The following GSE1 variants were observed in gnomAD, a reference collection of about 807,000 sequenced individuals.
The protein encoded by GSE1 is Gse1 coiled-coil protein.
Under a neutral mutation model 112.6 loss-of-function variants are expected in GSE1, and 32 were observed. That is an observed-to-expected ratio of 0.28 (90% CI 0.21 to 0.38). The LOEUF is 0.38. Among genes scored for constraint, GSE1 ranks in the 10% least tolerant of loss-of-function variants. The pLI, the probability that GSE1 is intolerant of heterozygous loss-of-function variation, is 1.00. For synonymous variants in GSE1, 1,115 were observed against 735.6 expected (o/e 1.52, Z -8.35); for missense variants, 2,348 against 1,699.2 (o/e 1.38, Z -6.71).
rs1029607657 is a variant in GSE1 at position 85,331,375 on chromosome 16, A to G, written c.2284-26088A>G. 6.4e-4 allele frequency among the ~76,000 whole-genome samples: 86 copies of G among 134,404 alleles called. 5 individuals are homozygous for G. The highest frequency in any genetic ancestry group is 3.8e-3 in the Middle Eastern group (1 of 262). The allele number at this position is 134,404 out of a possible 152,430, so 88.2% of individuals were successfully genotyped here. Reference sequence around the variant, plus strand: ...TGTGTGTGTGTGTGTGTATATATGTATATATATGTATATATATGTGTATAT... The same window carrying G: ...TGTGTGTGTGTGTGTGTATATATGTGTATATATGTATATATATGTGTATAT... On this transcript the variant is annotated intron_variant, in intron 1 of 2. Coordinates refer to the GSE1 transcript ENST00000637419.
At chr16:85,477,026 G>T (rs1298251575) in intron 2 of GSE1, among the ~76,000 whole-genome samples, 5 of 150,896 alleles carry the variant, frequency 3.3e-5, no homozygotes, top group African/African-American at 1.2e-4. Flanking sequence ...CCAGGTTCGA[G>T]TGATTGAACC....
chr16:85,394,956 C>A (rs995596141), intron 2 of GSE1, among the ~76,000 whole-genome samples: 3 of 152,088 alleles, frequency 2.0e-5, no homozygotes, highest in African/African-American at 4.8e-5. Context: ...CCAGGGAAGG[C>A]CCCCTGGAGG....
At chr16:85,191,302 A>G (rs1244990896) in intron 1 of GSE1, among the ~76,000 whole-genome samples, 1 of 152,236 alleles carries the variant, frequency 6.6e-6, no homozygotes, top group East Asian at 1.9e-4. Context: ...ATGTATATAT[A>G]TAAAATATTG....
intron 2 of GSE1, among the ~76,000 whole-genome samples, chr16:85,639,459 G>A (rs906299051): frequency 4.6e-5 from 7 of 152,064 alleles, no homozygotes; most frequent in African/African-American, 1.4e-4. Context: ...CACCCCCTGC[G>A]CTGGACAGAT....
At chr16:85,281,865 C>G (rs2044867552) in intron 1 of GSE1, among the ~76,000 whole-genome samples, 1 of 152,106 alleles carries the variant, frequency 6.6e-6, no homozygotes, top group Non-Finnish European at 1.5e-5. Context: ...TTCACGTTAT[C>G]TGAGCAGGAC....
At chr16:85,464,307 G>C (rs2050063262) in intron 2 of GSE1, among the ~76,000 whole-genome samples, 1 of 152,086 alleles carries the variant, frequency 6.6e-6, no homozygotes, top group Non-Finnish European at 1.5e-5. Flanking sequence ...TCAGATGTCG[G>C]CTTAGGTGGT....
intron 1 of GSE1, among the ~76,000 whole-genome samples, chr16:85,626,585 G>GCCTCACGGGGTGTAATTA (rs2049086199): frequency 6.6e-6 from 1 of 152,250 alleles, no homozygotes; most frequent in Non-Finnish European, 1.5e-5. Flanking sequence ...GCTGGGCCCA[G>GCCTCACGGGGTGTAATTA]CCTCACGGGG....
chr16:85,357,894 CT>C (rs2046984099), intron 2 of GSE1, among the ~76,000 whole-genome samples: 1 of 152,090 alleles, frequency 6.6e-6, no homozygotes, highest in Admixed American at 6.5e-5. Flanking sequence ...GGCTCCTGGG[CT>C]GCCTTTGTTT....
At chr16:85,235,907 C>T (rs1389202816) in intron 1 of GSE1, among the ~76,000 whole-genome samples, 1 of 151,974 alleles carries the variant, frequency 6.6e-6, no homozygotes, top group Non-Finnish European at 1.5e-5. Context: ...GCTGGCCGGG[C>T]GCTACCTTCC....
At chr16:85,325,843 G>A (rs1322438857) in intron 1 of GSE1, among the ~76,000 whole-genome samples, 1 of 151,422 alleles carries the variant, frequency 6.6e-6, no homozygotes, top group Non-Finnish European at 1.5e-5. Flanking sequence ...TGCAACCTCC[G>A]CCTCCAGGGT....
chr16:85,402,930 T>A (rs942937517), intron 2 of GSE1, among the ~76,000 whole-genome samples: 1 of 150,862 alleles, frequency 6.6e-6, no homozygotes, highest in Non-Finnish European at 1.5e-5. Context: ...AAAAAAAAAA[T>A]TGCCCCAAAA....
At chr16:85,279,625 A>G (rs183413128) in intron 1 of GSE1, among the ~76,000 whole-genome samples, 60 of 151,830 alleles carry the variant, frequency 4.0e-4, no homozygotes, top group African/African-American at 1.4e-3. Context: ...CAATCAATCA[A>G]TCAATCAAAC....
intron 2 of GSE1, among the ~76,000 whole-genome samples, chr16:85,358,278 C>T (rs181171360): frequency 1.8e-3 from 279 of 152,356 alleles, no homozygotes; most frequent in African/African-American, 6.4e-3. Flanking sequence ...GCTGCTGGGC[C>T]TTGGGGCCTG....
At chr16:85,345,843 G>T (rs1359714173) in intron 1 of GSE1, among the ~76,000 whole-genome samples, 1 of 152,244 alleles carries the variant, frequency 6.6e-6, no homozygotes, top group African/African-American at 2.4e-5. Context: ...TTTACTGGAT[G>T]AATGGATTGA....
chr16:85,351,680 CAATA>C (rs1461015518), intron 1 of GSE1, among the ~76,000 whole-genome samples: 1 of 152,172 alleles, frequency 6.6e-6, no homozygotes, highest in African/African-American at 2.4e-5. Flanking sequence ...AGTTGTATCT[CAATA>C]AAGCATTTTT....
At position 85,600,562 on chromosome 16, in the gene GSE1, AACACACACACACACACACACCCCAAACAC is replaced by A. The variant is rs1478431090; in HGVS notation, c.37+44226_37+44254del. ...AGATCATTTGGGAGCCTTGTTAAAA[AACACACACACACACACACACCCCAAACAC>A]ACACACACACACACACACACCCCAA... On this transcript the variant is annotated intron_variant, in intron 1 of 2. Coordinates refer to the GSE1 transcript ENST00000635906. Among the ~76,000 whole-genome samples, 33 of 148,642 alleles carry A rather than the reference AACACACACACACACACACACCCCAAACAC, an allele frequency of 2.2e-4. No homozygotes were observed. In the East Asian group the frequency reaches 6.3e-3, roughly 28 times the overall value.
At chr16:85,577,868 A>C (rs986763756) in intron 1 of GSE1, among the ~76,000 whole-genome samples, 18 of 152,100 alleles carry the variant, frequency 1.2e-4, no homozygotes, top group African/African-American at 4.3e-4. Context: ...TGCATTTCTC[A>C]GTTGAGCTGA....
At chr16:85,468,132 AC>A (rs770938070) in intron 2 of GSE1, among the ~76,000 whole-genome samples, 1 of 151,666 alleles carries the variant, frequency 6.6e-6, no homozygotes, top group Non-Finnish European at 1.5e-5. Flanking sequence ...ATGGATTCCC[AC>A]CTTTTGGGTC....
chr16:85,375,030 G>T (rs564309423), intron 2 of GSE1, among the ~76,000 whole-genome samples: 1 of 152,168 alleles, frequency 6.6e-6, no homozygotes, highest in African/African-American at 2.4e-5. Context: ...GCAGCCACTC[G>T]CTGCTGTGTG....
Sources: allele counts gnomAD v4.1 joint callset (sites outside exome capture counted in the v4.1 genomes callset), GRCh38; gene constraint gnomAD v4.1.1; transcripts MANE v1.5; gene names NCBI Gene and HGNC (gene_info 2026-07-23, HGNC 2026-07-21).